The following RAVER2 variants were observed in gnomAD, a reference collection of about 807,000 sequenced individuals.
RAVER2 encodes ribonucleoprotein, PTB binding 2.
RAVER2 carries 46 observed loss-of-function variants against 78.1 expected under a neutral mutation model. That is an observed-to-expected ratio of 0.59 (90% confidence interval 0.46 to 0.75). The LOEUF (loss-of-function observed/expected upper bound fraction) is 0.75, where lower values mean the gene tolerates loss of function less well. Among genes scored for constraint, RAVER2 ranks in the 30% least tolerant of loss-of-function variants. The pLI, the probability that RAVER2 is intolerant of heterozygous loss-of-function variation, is 0.00. For synonymous variants in RAVER2, 311 were observed against 313.3 expected (o/e 0.99, Z 0.08); for missense variants, 793 against 837.5 (o/e 0.95, Z 0.66).
At chr1:64,827,914 C>T (rs775703629) in intron 11 of RAVER2, among the ~76,000 whole-genome samples, 8 of 152,172 alleles carry the variant, frequency 5.3e-5, no homozygotes, top group African/African-American at 1.4e-4. Flanking sequence ...CTTAGCCTGG[C>T]GTTCCAGCCC....
intron 2 of RAVER2, among the ~76,000 whole-genome samples, chr1:64,770,391 A>T (rs1652282675): frequency 1.3e-5 from 2 of 152,028 alleles, no homozygotes; most frequent in South Asian, 4.1e-4. Context: ...AAGACCAATG[A>T]TGCTCTTGTC....
At chr1:64,828,833 C>A (rs1323224461) in intron 11 of RAVER2, among the ~76,000 whole-genome samples, 1 of 152,198 alleles carries the variant, frequency 6.6e-6, no homozygotes, top group African/African-American at 2.4e-5. Flanking sequence ...TCCCCCTCTT[C>A]TCCTCAGCTC....
rs1557577259 is a variant in RAVER2, at chr1:64,745,437, TA to T, written c.249+17del. ...CAACTGCCAGGTACTGGGACGGTGA[TA>T]GGGGCGACGCGTCCCGAGGGGCGGC... On this transcript the variant is annotated intron_variant, in intron 1 of 11. Transcript: ENST00000294428. This position sits in a 1 kb window ranked among gnomAD's most constrained non-coding sequence, Gnocchi z 4.3. 6 of 1,510,244 alleles carry T rather than the reference TA, an allele frequency of 4.0e-6. No homozygotes were observed. Among genetic ancestry groups the T allele is most frequent in the African/African-American group, 1.4e-5 (1 of 70,886 alleles). The allele number at this position is 1,510,244 out of a possible 1,614,324, so 93.6% of individuals were successfully genotyped here. A position where few individuals can be genotyped will look rare whatever the true frequency, so the allele number is the denominator to read the frequency against.
chr1:64,789,976 CATT>C (rs530797248), intron 5 of RAVER2, among the ~76,000 whole-genome samples: 4 of 152,112 alleles, frequency 2.6e-5, no homozygotes, highest in Non-Finnish European at 5.9e-5. Context: ...ATGATGAAAA[CATT>C]ATTATTTTCT....
chr1:64,805,518 A>T (rs1052847860), intron 8 of RAVER2, among the ~76,000 whole-genome samples: 2 of 152,206 alleles, frequency 1.3e-5, no homozygotes, highest in Admixed American at 6.5e-5. Context: ...TGTATTATTT[A>T]AAAAAATTTA....
chr1:64,794,680 G>A (rs187447478), intron 5 of RAVER2, among the ~76,000 whole-genome samples: 138 of 152,020 alleles, frequency 9.1e-4, no homozygotes, highest in African/African-American at 3.2e-3. Context: ...TATTTTGCAC[G>A]TGTTAAAAAC....
intron 4 of RAVER2, among the ~76,000 whole-genome samples, chr1:64,788,616 C>T (rs1021206207): frequency 6.6e-6 from 1 of 151,716 alleles, no homozygotes; most frequent in African/African-American, 2.4e-5. Flanking sequence ...CATGGTGAAA[C>T]CCCGTCTCCA....
intron 4 of RAVER2, among the ~76,000 whole-genome samples, chr1:64,784,559 A>C (rs1056369932): frequency 6.6e-6 from 1 of 152,026 alleles, no homozygotes; most frequent in African/African-American, 2.4e-5. Context: ...CCTATTAGTG[A>C]TTACTTCCAA....
In RAVER2 at chr1:64,750,504, T is replaced by C. The variant is rs186153267; in HGVS notation, c.249+5083T>C. Among the ~76,000 whole-genome samples the C allele has an allele frequency of 1.2e-3, 179 of 152,060 alleles. 1 individual carries two copies. In the Middle Eastern group the frequency reaches 0.014, roughly 12 times the overall value. ...TTTTTAATTTTTTGTAGAGACACGG[T>C]CTCTCTATGTTGCCCAGGCTGGTCA... On this transcript the variant is annotated intron_variant, in intron 1 of 11. Coordinates refer to ENST00000294428, the Ensembl canonical transcript of RAVER2.
At chr1:64,749,187 A>G (rs1472627160) in intron 1 of RAVER2, among the ~76,000 whole-genome samples, 1 of 151,518 alleles carries the variant, frequency 6.6e-6, no homozygotes, top group Non-Finnish European at 1.5e-5. Flanking sequence ...TTCATTTCTG[A>G]TTAGTCTTGC....
At chr1:64,765,487 T>C (rs982448505) in intron 1 of RAVER2, among the ~76,000 whole-genome samples, 3 of 152,198 alleles carry the variant, frequency 2.0e-5, no homozygotes, top group Admixed American at 2.0e-4. Context: ...ATATTGAGTC[T>C]AAGAATCAAG....
At chr1:64,816,309 G>C (rs963984057) in intron 11 of RAVER2, 1 of 152,066 alleles carries the variant, frequency 6.6e-6, no homozygotes, top group Non-Finnish European at 1.5e-5. Context: ...CTCCACACTT[G>C]CTTGCCCAGA....
At chr1:64,798,035 C>G (rs1380256428) in intron 5 of RAVER2, among the ~76,000 whole-genome samples, 5 of 149,322 alleles carry the variant, frequency 3.3e-5, no homozygotes, top group Non-Finnish European at 7.4e-5. Flanking sequence ...AACTCGTCAT[C>G]TAGCATTAGG....
chr1:64,826,273 T>C (rs1042239000), intron 11 of RAVER2, among the ~76,000 whole-genome samples: 1 of 152,296 alleles, frequency 6.6e-6, no homozygotes, highest in African/African-American at 2.4e-5. Flanking sequence ...GTAAAAGGAA[T>C]AGTGATCGCT....
At chr1:64,826,130 C>T (rs1653998248) in intron 11 of RAVER2, among the ~76,000 whole-genome samples, 2 of 152,196 alleles carry the variant, frequency 1.3e-5, no homozygotes, top group Admixed American at 6.5e-5. Context: ...GAAAGGTATT[C>T]ATTTACTCAT....
chr1:64,792,635 C>G (rs749919379), intron 5 of RAVER2, among the ~76,000 whole-genome samples: 2 of 152,112 alleles, frequency 1.3e-5, no homozygotes, highest in African/African-American at 4.8e-5. Context: ...TTGAATATTA[C>G]ACTGATGCAG....
intron 2 of RAVER2, among the ~76,000 whole-genome samples, chr1:64,771,078 G>A (rs1037294143): frequency 2.0e-5 from 3 of 151,934 alleles, no homozygotes; most frequent in Non-Finnish European, 4.4e-5. Context: ...CCAACTTCAA[G>A]TACAAAAGCA....
chr1:64,745,204 AG>A lies in RAVER2; in HGVS notation c.38del (p.Gly13AlafsTer53), dbSNP rs1651488194. 3 of 1,040,874 alleles carry A rather than the reference AG, an allele frequency of 2.9e-6. No homozygotes were observed. The highest frequency in any genetic ancestry group is 2.3e-6 in the Non-Finnish European group (2 of 867,946). 64.5% of individuals were successfully genotyped at this position (1,040,874 alleles called of 1,614,324 possible). ...GCGGCGGCGGGAGACGGCGGCGGCG[AG>A]GGGGGCGCGGGCCTGGGCAGCGCGG... On this transcript the variant is annotated frameshift_variant, in exon 1 of 12. Transcript: ENST00000294428. LOFTEE classifies it high-confidence loss of function. The surrounding 1 kb of genome is among the most constrained non-coding windows in gnomAD (Gnocchi z 4.3).
At chr1:64,829,122 T>G (rs1654066048) in intron 11 of RAVER2, among the ~76,000 whole-genome samples, 1 of 152,190 alleles carries the variant, frequency 6.6e-6, no homozygotes, top group African/African-American at 2.4e-5. Flanking sequence ...GCCCTTTGAA[T>G]AAAAGAATGT....
Sources: gnomAD v4.1 joint callset for allele counts (sites outside exome capture counted in the v4.1 genomes callset) on GRCh38, gnomAD v4.1.1 for gene constraint, Gnocchi (gnomAD v3.1) non-coding constraint, MANE v1.5 for transcripts, NCBI Gene and HGNC (gene_info 2026-07-23, HGNC 2026-07-21) for gene names.